EDNRA: variants seen among roughly 807,000 people sequenced by gnomAD.
EDNRA encodes endothelin-1 receptor.
In EDNRA, 11 loss-of-function variants were observed where a neutral mutation model predicts 41.4. The ratio of observed to expected loss-of-function variants is 0.27; its 90% CI spans 0.17 to 0.44. EDNRA has a LOEUF of 0.44. EDNRA is among the 20% of genes least tolerant of loss of function. The pLI is 1.00. For missense variants in EDNRA, 294 were observed against 531.0 expected (o/e 0.55, Z 4.39); for synonymous variants, 172 against 183.0 (o/e 0.94, Z 0.49).
chr4:147,482,865 TAGCC>T (rs1728818608), intron 1 of EDNRA, among the ~76,000 whole-genome samples: 1 of 152,210 alleles, frequency 6.6e-6, no homozygotes, highest in South Asian at 2.1e-4. Context: ...GTACCCACCG[TAGCC>T]AGGTCAGTTC....
At chr4:147,533,621 T>C (rs1730825037) in intron 4 of EDNRA, among the ~76,000 whole-genome samples, 1 of 152,192 alleles carries the variant, frequency 6.6e-6, no homozygotes, top group African/African-American at 2.4e-5. Context: ...AAAGTGCTCA[T>C]GAAAACTGCC....
chr4:147,513,882 A>G (rs1251909275), intron 2 of EDNRA, among the ~76,000 whole-genome samples: 5 of 152,184 alleles, frequency 3.3e-5, no homozygotes, highest in Non-Finnish European at 7.4e-5. Flanking sequence ...ATATGCCACT[A>G]GTTTTATTTG....
intron 3 of EDNRA, among the ~76,000 whole-genome samples, chr4:147,528,352 G>T (rs953272022): frequency 2.6e-4 from 34 of 132,016 alleles, no homozygotes; most frequent in African/African-American, 1.1e-3. Flanking sequence ...TTCTTTTCTT[G>T]CTTTCTTTTT....
At chr4:147,533,444 A>C (rs1365631893) in intron 4 of EDNRA, among the ~76,000 whole-genome samples, 1 of 152,228 alleles carries the variant, frequency 6.6e-6, no homozygotes, top group African/African-American at 2.4e-5. Flanking sequence ...TATTTCTCTT[A>C]AATCAGTATA....
chr4:147,495,396 AG>A (rs1729270103), intron 2 of EDNRA: 1 of 152,254 alleles, frequency 6.6e-6, no homozygotes, highest in South Asian at 2.1e-4. Context: ...CAGCTTCATT[AG>A]TTCCTTCTTT....
At chr4:147,488,982 T>C (rs1050110404) in intron 2 of EDNRA, 1 of 152,200 alleles carries the variant, frequency 6.6e-6, no homozygotes, top group African/African-American at 2.4e-5. Flanking sequence ...GCTATGAAAA[T>C]AATGCATACA....
chr4:147,539,433 C>T (rs1405237991), intron 5 of EDNRA, among the ~76,000 whole-genome samples: 2 of 151,818 alleles, frequency 1.3e-5, no homozygotes, highest in African/African-American at 2.4e-5. Context: ...TAACCCTTTC[C>T]CCCATGCAGT....
At chr4:147,516,136 G>A (rs775188146) in intron 2 of EDNRA, among the ~76,000 whole-genome samples, 1 of 152,170 alleles carries the variant, frequency 6.6e-6, no homozygotes, top group African/African-American at 2.4e-5. Flanking sequence ...TTCTTTCTGT[G>A]GTGTTCTTCT....
At position 147,502,833 on chromosome 4, in the gene EDNRA, T is replaced by C. The variant is rs1729560947; in HGVS notation, c.420+16732T>C. Among the ~76,000 whole-genome samples the C allele has an allele frequency of 2.1e-5, 3 of 141,272 alleles. No individual in the cohort carries two copies. The South Asian group carries it at 7.0e-4, about 33-fold the overall frequency. 92.7% of individuals were successfully genotyped at this position (141,272 alleles called of 152,430 possible). On this transcript the variant is annotated intron_variant, in intron 2 of 7. Coordinates refer to ENST00000651419, the MANE Select transcript of EDNRA (RefSeq NM_001957.4). ...TAATCTAGGATGATAGAATGGGAGGTATCTCTTCAAAAATATGTATTTAGC... is the reference window on the plus strand; with the variant it reads ...TAATCTAGGATGATAGAATGGGAGGCATCTCTTCAAAAATATGTATTTAGC...
chr4:147,511,510 G>A lies in EDNRA; in HGVS notation c.421-8341G>A, dbSNP rs1006659639. Among the ~76,000 whole-genome samples the A allele has an allele frequency of 1.4e-4, 22 of 151,836 alleles. 1 individual carries two copies. Among genetic ancestry groups the A allele is most frequent in the Admixed American group, 1.4e-3 (22 of 15,242 alleles). On this transcript the variant is annotated intron_variant, in intron 2 of 7. Transcript: ENST00000651419. ...TTTTCCATCTACACTCAGGATAATT[G>A]TGACCACATGACACATTTTACAATA...
chr4:147,499,767 C>G (rs1459559395), intron 2 of EDNRA, among the ~76,000 whole-genome samples: 1 of 137,990 alleles, frequency 7.2e-6, no homozygotes, highest in Non-Finnish European at 1.6e-5. Flanking sequence ...AGAGAAATTT[C>G]ATATGAAAAT....
intron 1 of EDNRA, among the ~76,000 whole-genome samples, chr4:147,483,205 G>A (rs1361772689): frequency 6.6e-6 from 1 of 152,164 alleles, no homozygotes; most frequent in Non-Finnish European, 1.5e-5. Context: ...ACTGCAAACT[G>A]TTTATAATTA....
chr4:147,506,929 G>A (rs1729738025), intron 2 of EDNRA, among the ~76,000 whole-genome samples: 1 of 152,130 alleles, frequency 6.6e-6, no homozygotes, highest in Admixed American at 6.5e-5. Context: ...TTTCTTCAGT[G>A]TTTTTTGAGG....
At chr4:147,537,791 A>T (rs991277739) in intron 5 of EDNRA, among the ~76,000 whole-genome samples, 2 of 152,100 alleles carry the variant, frequency 1.3e-5, no homozygotes, top group Non-Finnish European at 2.9e-5. Flanking sequence ...GGAGATTAGA[A>T]CCCAAGATTT....
chr4:147,500,721 G>A (rs1446590469), intron 2 of EDNRA, among the ~76,000 whole-genome samples: 1 of 150,796 alleles, frequency 6.6e-6, no homozygotes, highest in East Asian at 1.9e-4. Flanking sequence ...GGAAAGGACA[G>A]GGGAGCTACA....
intron 4 of EDNRA, 38 bp from the exon 5 acceptor site, chr4:147,535,839 G>A: frequency 1.3e-6 from 2 of 1,598,138 alleles, no homozygotes; most frequent in Non-Finnish European, 1.7e-6. Context: ...ACATGACTCT[G>A]CTCCTCCTTT....
chr4:147,499,958 C>T (rs896378673), intron 2 of EDNRA, among the ~76,000 whole-genome samples: 2 of 151,980 alleles, frequency 1.3e-5, no homozygotes, highest in African/African-American at 2.4e-5. Flanking sequence ...GTGCCCACCA[C>T]CACACCCAGC....
intron 1 of EDNRA, among the ~76,000 whole-genome samples, chr4:147,481,912 G>A (rs1182066445): frequency 6.6e-6 from 1 of 152,232 alleles, no homozygotes; most frequent in African/African-American, 2.4e-5. Flanking sequence ...TGCCTGTGGA[G>A]GTCTGGGCGT....
chr4:147,484,643 A>G (rs1728882307), intron 1 of EDNRA, among the ~76,000 whole-genome samples: 1 of 152,254 alleles, frequency 6.6e-6, no homozygotes, highest in Non-Finnish European at 1.5e-5. Context: ...GCTATATAGG[A>G]TGGTTAAAAG....
Sources: gnomAD v4.1 joint callset for allele counts (sites outside exome capture counted in the v4.1 genomes callset) on GRCh38, gnomAD v4.1.1 for gene constraint, MANE v1.5 for transcripts, NCBI Gene and HGNC (gene_info 2026-07-23, HGNC 2026-07-21) for gene names.